DDHD1: variants seen among roughly 807,000 people sequenced by gnomAD.
The protein encoded by DDHD1 is DDHD domain containing 1.
A neutral mutation model predicts 96.4 loss-of-function variants in DDHD1; 49 were observed. The observed-to-expected ratio is 0.51, with a 90% CI of 0.40 to 0.64. The LOEUF (loss-of-function observed/expected upper bound fraction) is 0.64. DDHD1 is among the 30% of genes least tolerant of loss of function. The pLI, the probability that DDHD1 is intolerant of heterozygous loss-of-function variation, is 0.00. For missense variants in DDHD1, 1,106 were observed against 1,161.2 expected, an observed-to-expected ratio of 0.95 and a Z score of 0.69; for synonymous variants, 442 against 446.5, an observed-to-expected ratio of 0.99 and a Z score of 0.13.
chr14:53,094,008 T>C (rs1271487025), intron 2 of DDHD1, among the ~76,000 whole-genome samples: 2 of 151,912 alleles, frequency 1.3e-5, no homozygotes, highest in African/African-American at 2.4e-5. Flanking sequence ...ACCTCGTCTC[T>C]ACAAAAATAC....
In DDHD1 at chr14:53,091,856, G is replaced by T. The variant is rs567478837; in HGVS notation, c.1218C>A (p.Thr406=). The T allele has an allele frequency of 6.2e-7, 1 of 1,613,612 alleles. No homozygotes were observed. Among genetic ancestry groups the T allele is most frequent in the Non-Finnish European group, 8.5e-7 (1 of 1,179,748 alleles). Residue 406 remains threonine (T), a synonymous_variant, in exon 4 of 13, where the codon ACC becomes ACA. Coordinates refer to ENST00000673822, the MANE Select transcript of DDHD1 (RefSeq NM_001160148.2). The part of the protein sequence containing the change: ...ATLEDKPSQT[T]HIVFVVHGIG... ...TGCCATGCACAACAAATACAATATG[G>T]GTAGTCTGTGATGGCTTGTCTTCTA...
intron 12 of DDHD1, chr14:53,049,047 G>A (rs1882296549): frequency 6.8e-6 from 1 of 146,672 alleles, no homozygotes; most frequent in Non-Finnish European, 1.5e-5. Context: ...TTTATAACAT[G>A]TGTTATTTGG....
chr14:53,122,598 GAC>G lies in DDHD1; in HGVS notation c.839-18744_839-18743del, dbSNP rs1889083030. ...CTGCTAATAGTTTTTTTTTTTTTTTGACACAGTCTCACACTATTGCCCAGGCT... is the reference window on the plus strand; with the variant it reads ...CTGCTAATAGTTTTTTTTTTTTTTTGACAGTCTCACACTATTGCCCAGGCT... On this transcript the variant is annotated intron_variant, in intron 1 of 12. Coordinates refer to ENST00000673822, the MANE Select transcript of DDHD1 (RefSeq NM_001160148.2). Among the ~76,000 whole-genome samples, 5 of 48,352 alleles carry G rather than the reference GAC, an allele frequency of 1.0e-4. No homozygotes were observed. In the East Asian group the frequency reaches 2.6e-3, roughly 25 times the overall value. 31.7% of individuals were successfully genotyped at this position (48,352 alleles called of 152,430 possible). A position where few individuals can be genotyped will look rare whatever the true frequency, so the allele number is the denominator to read the frequency against.
At chr14:53,073,648 T>C (rs1040983619) in intron 5 of DDHD1, 93 bp downstream of exon 5, 17 of 968,448 alleles carry the variant, frequency 1.8e-5, no homozygotes, top group Non-Finnish European at 2.5e-5. Flanking sequence ...CACTACATTC[T>C]CAATTAACAA....
At chr14:53,049,988 A>G (rs1460081902) in intron 12 of DDHD1, among the ~76,000 whole-genome samples, 24 of 152,232 alleles carry the variant, frequency 1.6e-4, no homozygotes, top group Admixed American at 1.6e-3. Flanking sequence ...AAGTGTCATC[A>G]GTAGCGTGCT....
intron 4 of DDHD1, among the ~76,000 whole-genome samples, chr14:53,078,833 C>T (rs1201987308): frequency 1.3e-5 from 2 of 152,114 alleles, no homozygotes; most frequent in African/African-American, 4.8e-5. Flanking sequence ...TAAGTTTAGC[C>T]ACAGGCTTTT....
intron 6 of DDHD1, among the ~76,000 whole-genome samples, chr14:53,069,728 A>G (rs1884352667): frequency 6.6e-6 from 1 of 152,226 alleles, no homozygotes; most frequent in Admixed American, 6.5e-5. Context: ...TGTTGAATTT[A>G]CAATGGTACC....
Position 53,129,498 on chromosome 14 carries a change from T to C in DDHD1, c.838+22763A>G, listed in dbSNP as rs145300829. On this transcript the variant is annotated intron_variant, in intron 1 of 12. Coordinates refer to ENST00000673822, the MANE Select transcript of DDHD1 (RefSeq NM_001160148.2). The stretch of plus-strand genomic sequence containing the variant: ...TGAGGAAGACAGTCTTCCCTTGGTG[T>C]TTAATCACTGCGGGGATGCCTGCCT... 5.7e-3 allele frequency among the ~76,000 whole-genome samples: 874 copies of C among 152,324 alleles called. 7 individuals are homozygous for C. Among genetic ancestry groups the C allele is most frequent in the African/African-American group, 0.02 (843 of 41,568 alleles).
intron 12 of DDHD1, 52 bp from the exon 13 acceptor site, chr14:53,047,001 T>C: frequency 6.9e-7 from 1 of 1,445,496 alleles, no homozygotes; most frequent in Non-Finnish European, 9.3e-7. Context: ...TAAAATATGT[T>C]CTATATAGAC....
intron 4 of DDHD1, among the ~76,000 whole-genome samples, chr14:53,090,478 TG>T (rs1886340289): frequency 6.6e-6 from 1 of 152,190 alleles, no homozygotes; most frequent in Admixed American, 6.5e-5. Context: ...CCAACCCAAA[TG>T]TTCATCAATG....
intron 2 of DDHD1, among the ~76,000 whole-genome samples, chr14:53,096,467 T>C (rs1886893584): frequency 6.6e-6 from 1 of 152,072 alleles, no homozygotes; most frequent in Non-Finnish European, 1.5e-5. Context: ...GATTATCATG[T>C]TTAATGTCTT....
At chr14:53,148,094 T>C (rs974120279) in intron 1 of DDHD1, among the ~76,000 whole-genome samples, 2 of 152,046 alleles carry the variant, frequency 1.3e-5, no homozygotes, top group African/African-American at 4.8e-5. Context: ...AAACTGAAAA[T>C]GGTTTAAAAT....
chr14:53,090,934 C>T (rs1305530943), intron 4 of DDHD1, among the ~76,000 whole-genome samples: 1 of 151,772 alleles, frequency 6.6e-6, no homozygotes, highest in Non-Finnish European at 1.5e-5. Flanking sequence ...AGAGATGTTA[C>T]AATAAAAAGT....
intron 1 of DDHD1, among the ~76,000 whole-genome samples, chr14:53,136,243 C>A (rs1347691193): frequency 6.6e-6 from 1 of 152,176 alleles, no homozygotes. Flanking sequence ...CGGACTCAGC[C>A]CGCCTGCACC....
chr14:53,102,681 A>G (rs1331259207), intron 2 of DDHD1, among the ~76,000 whole-genome samples: 1 of 152,040 alleles, frequency 6.6e-6, no homozygotes, highest in Non-Finnish European at 1.5e-5. Flanking sequence ...AAAGAGTGGC[A>G]GAGAGAAAAA....
At chr14:53,082,484 C>A (rs1595140935) in intron 4 of DDHD1, among the ~76,000 whole-genome samples, 1 of 139,054 alleles carries the variant, frequency 7.2e-6, no homozygotes, top group East Asian at 2.0e-4. Flanking sequence ...GTTGGCCGGG[C>A]ATGGTGGCTC....
chr14:53,147,770 A>G (rs1271608413), intron 1 of DDHD1, among the ~76,000 whole-genome samples: 1 of 152,218 alleles, frequency 6.6e-6, no homozygotes, highest in African/African-American at 2.4e-5. Flanking sequence ...ACACAGTTAT[A>G]AAGAGTAAAA....
intron 4 of DDHD1, among the ~76,000 whole-genome samples, chr14:53,082,528 G>A (rs1885571490): frequency 6.6e-6 from 1 of 150,642 alleles, no homozygotes; most frequent in Admixed American, 6.6e-5. Context: ...GGAAGCTGAG[G>A]TGGGTGGATC....
chr14:53,079,266 T>C (rs559023910), intron 4 of DDHD1, among the ~76,000 whole-genome samples: 11 of 152,254 alleles, frequency 7.2e-5, no homozygotes, highest in Admixed American at 5.2e-4. Context: ...AGAGAGTTTG[T>C]AGAGAAGTGG....
Sources: allele counts gnomAD v4.1 joint callset (sites outside exome capture counted in the v4.1 genomes callset), GRCh38; gene constraint gnomAD v4.1.1; transcripts MANE v1.5; gene names NCBI Gene and HGNC (gene_info 2026-07-23, HGNC 2026-07-21).